The following NKTR variants were observed in gnomAD, a reference collection of about 807,000 sequenced individuals.
NKTR encodes natural killer cell triggering receptor.
Under a neutral mutation model 156.3 loss-of-function variants are expected in NKTR, and 67 were observed. That is an observed-to-expected ratio of 0.43 (90% CI 0.35 to 0.53). The LOEUF (loss-of-function observed/expected upper bound fraction) is 0.53, where lower values mean the gene tolerates loss of function less well. Among genes scored for constraint, NKTR ranks in the 20% least tolerant of loss-of-function variants. The pLI, the probability that NKTR is intolerant of heterozygous loss-of-function variation, is 0.01. For synonymous variants in NKTR, 640 were observed against 596.6 expected (o/e 1.07, Z -1.06); for missense variants, 1,604 against 1,730.9 (o/e 0.93, Z 1.30).
intron 2 of NKTR, chr3:42,602,286 G>A (rs1345181322): frequency 2.0e-5 from 3 of 152,170 alleles, no homozygotes; most frequent in Non-Finnish European, 4.4e-5. Context: ...TTGTAGCCTA[G>A]GAGCAAATAG....
At position 42,600,778 on chromosome 3, in the gene NKTR, G is replaced by A. The variant is rs538878036; in HGVS notation, c.-24G>A. 2 of 376,046 alleles carry A rather than the reference G, an allele frequency of 5.3e-6. No individual in the cohort carries two copies. Among genetic ancestry groups the A allele is most frequent in the East Asian group, 4.1e-5 (1 of 24,214 alleles). The allele number at this position is 376,046 out of a possible 1,614,324, so 23.3% of individuals were successfully genotyped here. ...ACCCGCTCAGGCTGGAGGCCAGCCAGGTGAAGAGCTCGCCCGCATGCGTGC... is the reference window on the plus strand; with the variant it reads ...ACCCGCTCAGGCTGGAGGCCAGCCAAGTGAAGAGCTCGCCCGCATGCGTGC... On this transcript the variant is annotated splice_region_variant and 5_prime_UTR_variant, in exon 1 of 17. Coordinates refer to ENST00000232978, the MANE Select transcript of NKTR (RefSeq NM_005385.4).
intron 13 of NKTR, among the ~76,000 whole-genome samples, chr3:42,640,020 C>T (rs992045477): frequency 2.0e-5 from 3 of 152,108 alleles, no homozygotes; most frequent in Non-Finnish European, 4.4e-5. Context: ...GTAAATTCTC[C>T]ATCTTTAAAG....
chr3:42,636,371 T>C (rs747443000), intron 12 of NKTR, among the ~76,000 whole-genome samples: 1 of 152,234 alleles, frequency 6.6e-6, no homozygotes, highest in Non-Finnish European at 1.5e-5. Context: ...ATTTCTGTTT[T>C]AAGTAGTTTA....
In NKTR at chr3:42,633,628, T is replaced by G; in HGVS notation, c.822T>G (p.Ser274Arg). 1 of 1,614,142 alleles carries G rather than the reference T, an allele frequency of 6.2e-7. No individual in the cohort carries two copies. Among genetic ancestry groups the G allele is most frequent in the Non-Finnish European group, 8.5e-7 (1 of 1,180,014 alleles). The change falls in exon 10 of 17, where the codon AGT (serine) becomes AGG (arginine). Residue 274 changes from serine (S) to arginine (R), a missense_variant. Ser to Arg is a moderately radical substitution (Grantham distance 110). Around this residue, in one of 6 missense-constraint regions of NKTR, gnomAD observed 1,255 missense variants for 1,243.7 expected, o/e 1.01. Coordinates refer to ENST00000232978, the MANE Select transcript of NKTR (RefSeq NM_005385.4). ...ATGAAAAAAGGTCAGTTGATTCCAGTGCTAAAAGGGAAAAACCTGTGGTCC... is the reference window on the plus strand; with the variant it reads ...ATGAAAAAAGGTCAGTTGATTCCAGGGCTAAAAGGGAAAAACCTGTGGTCC... ...DTNEKRSVDS[S>R]AKREKPVVRP...
chr3:42,644,626 C>T (rs957009071), intron 16 of NKTR, among the ~76,000 whole-genome samples: 1 of 152,162 alleles, frequency 6.6e-6, no homozygotes, highest in Non-Finnish European at 1.5e-5. Context: ...CAAGGACTCC[C>T]TGCTGCTTTC....
intron 8 of NKTR, among the ~76,000 whole-genome samples, chr3:42,631,550 C>T (rs948628652): frequency 6.6e-6 from 1 of 152,186 alleles, no homozygotes; most frequent in Non-Finnish European, 1.5e-5. Flanking sequence ...ATTGCCGTAG[C>T]GTCGTAACTG....
intron 13 of NKTR, among the ~76,000 whole-genome samples, chr3:42,641,856 C>T (rs1481624115): frequency 4.1e-5 from 6 of 147,906 alleles, no homozygotes; most frequent in African/African-American, 1.3e-4. Flanking sequence ...CCAGCCTGGG[C>T]GACAGAGCAA....
chr3:42,604,386 T>C (rs114017129), intron 2 of NKTR, among the ~76,000 whole-genome samples: 1,753 of 152,186 alleles, frequency 0.012, 43 homozygotes, highest in African/African-American at 0.039. Flanking sequence ...TACCTTTTTT[T>C]TTTGAGACAG....
chr3:42,643,117 G>A (rs965665313), intron 14 of NKTR, among the ~76,000 whole-genome samples: 6 of 152,172 alleles, frequency 3.9e-5, no homozygotes, highest in African/African-American at 1.4e-4. Context: ...CCTCCCTAGT[G>A]ACTATATGCA....
At position 42,642,605 on chromosome 3, in the gene NKTR, G is replaced by A. The variant is rs1041507438; in HGVS notation, c.4142+9G>A. The A allele has an allele frequency of 3.1e-6, 5 of 1,602,950 alleles. No homozygotes were observed. In the African/African-American group the frequency reaches 6.7e-5, roughly 21 times the overall value. Reference sequence around the variant, plus strand: ...AGTTACAAAAGTCACAGGTGAGCTTGTGATCTCACCCTGTGATGTGGTCTC... The same window carrying A: ...AGTTACAAAAGTCACAGGTGAGCTTATGATCTCACCCTGTGATGTGGTCTC... On this transcript the variant is annotated intron_variant, in intron 14 of 16. Transcript: ENST00000232978.
chr3:42,601,834 C>T (rs763667557), intron 2 of NKTR: 5 of 152,144 alleles, frequency 3.3e-5, no homozygotes, highest in Admixed American at 6.6e-5. Context: ...TCTGCATATT[C>T]TTATGAGAGC....
chr3:42,631,637 C>T (rs1708912877), intron 8 of NKTR, among the ~76,000 whole-genome samples: 1 of 152,134 alleles, frequency 6.6e-6, no homozygotes, highest in Non-Finnish European at 1.5e-5. Context: ...ATATCCTAGG[C>T]CCGCTGTGGT....
Position 42,600,746 on chromosome 3 carries a change from C to G in NKTR, c.-56C>G, listed in dbSNP as rs1705302632. ...CAGTGGCAGTGCTTTCTCTTCTGCT[C>G]ACGGGGACCCGCTCAGGCTGGAGGC... On this transcript the variant is annotated 5_prime_UTR_variant, in exon 1 of 17. Transcript: ENST00000232978. 3.0e-6 allele frequency: 1 copy of G among 338,486 alleles called. No individual in the cohort carries two copies. Among genetic ancestry groups the G allele is most frequent in the Admixed American group, 5.0e-5 (1 of 20,130 alleles). The allele number at this position is 338,486 out of a possible 1,614,324, so 21.0% of individuals were successfully genotyped here. A position where few individuals can be genotyped will look rare whatever the true frequency, so the allele number is the denominator to read the frequency against.
Position 42,646,279 on chromosome 3 carries a change from CT to C in NKTR, c.*305del, listed in dbSNP as rs1710343007. ...GCAATATTATTTTAAGTCTATTTCACTCTATCTTACGTATCCCTTAGAATAC... is the reference window on the plus strand; with the variant it reads ...GCAATATTATTTTAAGTCTATTTCACCTATCTTACGTATCCCTTAGAATAC... On this transcript the variant is annotated 3_prime_UTR_variant, in exon 17 of 17. Coordinates refer to ENST00000232978, the MANE Select transcript of NKTR (RefSeq NM_005385.4). 7.0e-6 allele frequency: 2 copies of C among 284,986 alleles called. No individual in the cohort carries two copies. Among genetic ancestry groups the C allele is most frequent in the South Asian group, 8.3e-5 (2 of 24,156 alleles). 17.7% of individuals were successfully genotyped at this position (284,986 alleles called of 1,614,324 possible). A position where few individuals can be genotyped will look rare whatever the true frequency, so the allele number is the denominator to read the frequency against.
rs767737349 is a variant in NKTR at position 42,630,594 on chromosome 3, C to G, written c.404+19C>G. On this transcript the variant is annotated intron_variant, in intron 7 of 16. Transcript: ENST00000232978. ...TGGATGGGTAAGAGTTACATTCTTA[C>G]TACATTGGGGAAGTGTTTGGGTGGC... The G allele has an allele frequency of 8.7e-6, 14 of 1,613,642 alleles. No individual in the cohort carries two copies. The Admixed American group carries it at 2.3e-4, about 27-fold the overall frequency.
rs761465586 is a variant in NKTR, at chr3:42,638,299, T to C, written c.2595T>C (p.Leu865=). Residue 865 remains leucine, a synonymous_variant, in exon 13 of 17, where the codon CTT becomes CTC. Transcript: ENST00000232978. The stretch of plus-strand genomic sequence containing the variant: ...AAAAAAGAACTTTGAAAGAGAATCT[T>C]TCTGATCACCTTAGAAATGGCAGTA... ...HSKKRTLKEN[L]SDHLRNGSKP... is the part of the protein sequence containing the mutation. 2 of 1,607,106 alleles carry C rather than the reference T, an allele frequency of 1.2e-6. No individual in the cohort carries two copies. Among genetic ancestry groups the C allele is most frequent in the Non-Finnish European group, 1.7e-6 (2 of 1,178,232 alleles).
At chr3:42,621,238 AT>A in intron 5 of NKTR, 190 bp from the exon 6 acceptor site, 1 of 1,265,674 alleles carries the variant, frequency 7.9e-7, no homozygotes, top group African/African-American at 1.6e-5. Context: ...CAAGGCTTTA[AT>A]TAGTATCTTT....
Position 42,632,953 on chromosome 3 carries a change from T to G in NKTR, c.773+130T>G, listed in dbSNP as rs941850032. On this transcript the variant is annotated intron_variant, in intron 9 of 16. Coordinates refer to ENST00000232978, the MANE Select transcript of NKTR (RefSeq NM_005385.4). ...AGGATAGCACTTTTTAAACTTTAAA[T>G]TGAAATCTGGCAAATCTAGGAGTAG... 13 of 1,321,430 alleles carry G rather than the reference T, an allele frequency of 9.8e-6. 1 individual carries two copies. The South Asian group carries it at 1.1e-4, about 11-fold the overall frequency. 81.9% of individuals were successfully genotyped at this position (1,321,430 alleles called of 1,614,324 possible).
intron 14 of NKTR, 66 bp downstream of exon 14, chr3:42,642,662 A>G: frequency 9.2e-7 from 1 of 1,082,294 alleles, no homozygotes; most frequent in Non-Finnish European, 1.4e-6. Context: ...CTACATAGGC[A>G]GAGGGGGTAG....
Sources: allele counts gnomAD v4.1 joint callset (sites outside exome capture counted in the v4.1 genomes callset), GRCh38; gene constraint gnomAD v4.1.1; regional missense constraint gnomAD v4.1.1; transcripts MANE v1.5; gene names NCBI Gene and HGNC (gene_info 2026-07-23, HGNC 2026-07-21).